Variants in NDST3 observed in about 807,000 individuals in gnomAD.
The protein encoded by NDST3 is N-deacetylase and N-sulfotransferase 3.
A neutral mutation model predicts 96.1 loss-of-function variants in NDST3; 58 were observed. The observed-to-expected ratio is 0.60, with a 90% confidence interval of 0.49 to 0.75. NDST3 has a LOEUF of 0.75. NDST3 is among the 30% of genes least tolerant of loss of function. The probability of loss-of-function intolerance (pLI) is 0.00; values close to 1 mark genes in which losing one functional copy is unlikely to be tolerated. For synonymous variants in NDST3, 333 were observed against 359.7 expected (o/e 0.93, Z 0.84); for missense variants, 788 against 1,034.2 (o/e 0.76, Z 3.27).
At chr4:118,099,153 G>A (rs1327102151) in intron 2 of NDST3, among the ~76,000 whole-genome samples, 3 of 152,034 alleles carry the variant, frequency 2.0e-5, no homozygotes, top group Non-Finnish European at 4.4e-5. Flanking sequence ...CTGTGATTTG[G>A]AAAGGTTCAG....
intron 6 of NDST3, among the ~76,000 whole-genome samples, chr4:118,172,186 C>T (rs1184877653): frequency 6.6e-6 from 1 of 152,170 alleles, no homozygotes; most frequent in African/African-American, 2.4e-5. Context: ...CTGAGGCATT[C>T]ATTTGGTGTA....
chr4:118,148,945 A>G (rs549143273), intron 6 of NDST3, among the ~76,000 whole-genome samples: 32 of 152,264 alleles, frequency 2.1e-4, no homozygotes, highest in African/African-American at 7.0e-4. Context: ...GGTGTAAGGA[A>G]GGGATCCAGT....
chr4:118,040,611 T>G (rs1178584734), intron 1 of NDST3, among the ~76,000 whole-genome samples: 1 of 152,046 alleles, frequency 6.6e-6, no homozygotes. Flanking sequence ...CTGTGTTATT[T>G]CTATTATCAT....
At chr4:118,231,349 A>AAT (rs762413792) in intron 8 of NDST3, among the ~76,000 whole-genome samples, 42,691 of 148,150 alleles carry the variant, frequency 0.29, 7,496 homozygotes, top group Middle Eastern at 0.41. Flanking sequence ...AAAAATAAAT[A>AAT]AATAATAATA....
At chr4:118,136,111 TTGCAGA>T (rs1222614426) in intron 4 of NDST3, among the ~76,000 whole-genome samples, 1 of 152,194 alleles carries the variant, frequency 6.6e-6, no homozygotes, top group Non-Finnish European at 1.5e-5. Context: ...TCTTACAAAT[TTGCAGA>T]TGCTTGAATT....
At chr4:118,235,500 G>A (rs1740581009) in intron 9 of NDST3, among the ~76,000 whole-genome samples, 1 of 152,092 alleles carries the variant, frequency 6.6e-6, no homozygotes, top group Non-Finnish European at 1.5e-5. Flanking sequence ...TGCTTGAGGA[G>A]GTTTTCAAAG....
intron 6 of NDST3, among the ~76,000 whole-genome samples, chr4:118,220,766 C>T (rs1326050792): frequency 1.3e-5 from 2 of 151,938 alleles, no homozygotes; most frequent in Non-Finnish European, 2.9e-5. Flanking sequence ...AGGGCACTTA[C>T]CAAGCTGTTT....
At position 118,042,366 on chromosome 4, in the gene NDST3, A is replaced by G. The variant is rs1724521664; in HGVS notation, c.-156+7774A>G. On this transcript the variant is annotated intron_variant, in intron 1 of 13. Transcript: ENST00000296499. ...AACCACCTTAGTCTGGACCTATACCACCTCACACATGGATTACAGCAGCAG... is the reference window on the plus strand; with the variant it reads ...AACCACCTTAGTCTGGACCTATACCGCCTCACACATGGATTACAGCAGCAG... Among the ~76,000 whole-genome samples the G allele has an allele frequency of 2.6e-5, 4 of 151,690 alleles. No homozygotes were observed. In the South Asian group the frequency reaches 8.3e-4, roughly 32 times the overall value.
intron 6 of NDST3, among the ~76,000 whole-genome samples, chr4:118,151,610 G>A (rs1056134401): frequency 3.9e-5 from 6 of 152,100 alleles, no homozygotes; most frequent in Non-Finnish European, 7.4e-5. Context: ...AAATATTGCC[G>A]AGGAAGAAAA....
chr4:118,093,380 A>C (rs893854098), intron 2 of NDST3, among the ~76,000 whole-genome samples: 1 of 151,890 alleles, frequency 6.6e-6, no homozygotes, highest in African/African-American at 2.4e-5. Flanking sequence ...TAAGCACTCA[A>C]TAAATGTATA....
At chr4:118,060,791 C>T (rs570310179) in intron 2 of NDST3, among the ~76,000 whole-genome samples, 1 of 152,152 alleles carries the variant, frequency 6.6e-6, no homozygotes, top group South Asian at 2.1e-4. Flanking sequence ...TATCTTCATA[C>T]CTCAGTCAAA....
chr4:118,236,662 G>A (rs1740665493), intron 9 of NDST3, among the ~76,000 whole-genome samples: 1 of 152,174 alleles, frequency 6.6e-6, no homozygotes. Flanking sequence ...TGTCTGAACT[G>A]AACATATCGT....
intron 12 of NDST3, among the ~76,000 whole-genome samples, chr4:118,247,611 G>C (rs1181747038): frequency 6.6e-6 from 1 of 152,090 alleles, no homozygotes; most frequent in Non-Finnish European, 1.5e-5. Context: ...ATGACAGCAG[G>C]GATTGACTGC....
At chr4:118,092,781 T>C (rs1000367925) in intron 2 of NDST3, among the ~76,000 whole-genome samples, 7 of 151,830 alleles carry the variant, frequency 4.6e-5, no homozygotes, top group African/African-American at 1.7e-4. Context: ...TTATGTTCAA[T>C]AGGAATAGAT....
rs950548114 is a variant in NDST3, at chr4:118,136,032, G to A, written c.1225-2022G>A. 2.6e-5 allele frequency among the ~76,000 whole-genome samples: 4 copies of A among 152,134 alleles called. No individual in the cohort carries two copies. The East Asian group carries it at 7.7e-4, about 29-fold the overall frequency. ...GCTGGGCCATCCTTTCATGCCATGT[G>A]GGTTCTGAAGACACAGCTGACTACT... On this transcript the variant is annotated intron_variant, in intron 4 of 13. Transcript: ENST00000296499.
chr4:118,092,528 C>T (rs1228139392), intron 2 of NDST3, among the ~76,000 whole-genome samples: 1 of 151,596 alleles, frequency 6.6e-6, no homozygotes, highest in Non-Finnish European at 1.5e-5. Flanking sequence ...GCTTTTTCTA[C>T]TGTCCCTTCA....
At position 118,230,884 on chromosome 4, in the gene NDST3, T is replaced by A. The variant is rs555466846; in HGVS notation, c.1820-2128T>A. On this transcript the variant is annotated intron_variant, in intron 8 of 13. Coordinates refer to ENST00000296499, the MANE Select transcript of NDST3 (RefSeq NM_004784.3). ...ACAATATTGCTGTTGACAGAGTTAT[T>A]TTAACAATTTTTCTATTGTATAGAT... Among the ~76,000 whole-genome samples, 5 of 152,310 alleles carry A rather than the reference T, an allele frequency of 3.3e-5. No homozygotes were observed. The East Asian group carries it at 9.6e-4, about 29-fold the overall frequency.
chr4:118,146,378 C>T (rs1733944551), intron 6 of NDST3, among the ~76,000 whole-genome samples: 1 of 152,166 alleles, frequency 6.6e-6, no homozygotes, highest in African/African-American at 2.4e-5. Context: ...AATACATTCA[C>T]ATACATTTGA....
intron 4 of NDST3, among the ~76,000 whole-genome samples, chr4:118,132,895 C>T (rs1213029484): frequency 6.6e-6 from 1 of 152,276 alleles, no homozygotes; most frequent in East Asian, 1.9e-4. Context: ...TCATGACTGC[C>T]TGGTGCCCTC....
Sources: gnomAD v4.1 joint callset for allele counts (sites outside exome capture counted in the v4.1 genomes callset) on GRCh38, gnomAD v4.1.1 for gene constraint, MANE v1.5 for transcripts, NCBI Gene and HGNC (gene_info 2026-07-23, HGNC 2026-07-21) for gene names.